The following ZSCAN25 variants were observed in gnomAD, a reference collection of about 807,000 sequenced individuals.
ZSCAN25 encodes the protein zinc finger and SCAN domain-containing protein 25.
ZSCAN25 carries 27 observed loss-of-function variants against 38.7 expected under a neutral mutation model. The observed-to-expected ratio is 0.70, with a 90% confidence interval of 0.51 to 0.96. The LOEUF is 0.96. ZSCAN25 is among the 40% of genes least tolerant of loss of function. The probability of loss-of-function intolerance (pLI) is 0.00; values close to 1 mark genes in which losing one functional copy is unlikely to be tolerated. For synonymous variants in ZSCAN25, 273 were observed against 277.7 expected, an observed-to-expected ratio of 0.98 and a Z score of 0.17; for missense variants, 637 against 705.9, an observed-to-expected ratio of 0.90 and a Z score of 1.11.
At chr7:99,650,839 A>G in the ZSCAN25 span, among the ~76,000 whole-genome samples, 2 of 152,014 alleles carry the variant, frequency 1.3e-5, no homozygotes, top group African/African-American at 2.4e-5. Flanking sequence ...TTTAAGTCAC[A>G]TAAGTTACAT....
the ZSCAN25 span, among the ~76,000 whole-genome samples, chr7:99,732,339 A>G: frequency 2.6e-5 from 4 of 152,248 alleles, no homozygotes; most frequent in African/African-American, 9.6e-5. Context: ...TAGAGCCTGC[A>G]GAACCATGAG....
the ZSCAN25 span, among the ~76,000 whole-genome samples, chr7:99,679,160 G>T: frequency 5.9e-5 from 9 of 152,122 alleles, no homozygotes; most frequent in African/African-American, 2.2e-4. Flanking sequence ...TTGCTCTAGA[G>T]GTTAATCATT....
the ZSCAN25 span, chr7:99,695,602 G>T: frequency 1.4e-6 from 1 of 702,966 alleles, no homozygotes; most frequent in Non-Finnish European, 2.4e-6. Context: ...GGTAAACCTT[G>T]CCATGCTCTG....
the ZSCAN25 span, among the ~76,000 whole-genome samples, chr7:99,688,000 C>T: frequency 6.6e-6 from 1 of 152,048 alleles, no homozygotes; most frequent in Non-Finnish European, 1.5e-5. Context: ...CAGGCCTGCC[C>T]TAAAAGAGCT....
the ZSCAN25 span, among the ~76,000 whole-genome samples, chr7:99,726,636 T>G: frequency 6.6e-6 from 1 of 152,206 alleles, no homozygotes; most frequent in Non-Finnish European, 1.5e-5. Context: ...GCCACAAGGC[T>G]TCTGGGACAG....
the ZSCAN25 span, among the ~76,000 whole-genome samples, chr7:99,732,762 A>G: frequency 6.6e-6 from 1 of 152,210 alleles, no homozygotes; most frequent in African/African-American, 2.4e-5. Flanking sequence ...GTGGTTCAAA[A>G]GTACGGTGTG....
the ZSCAN25 span, among the ~76,000 whole-genome samples, chr7:99,701,325 G>A: frequency 6.6e-6 from 1 of 152,190 alleles, no homozygotes; most frequent in Non-Finnish European, 1.5e-5. Context: ...TTGTGCATAA[G>A]TGAAGTACTC....
the ZSCAN25 span, chr7:99,676,120 G>A: frequency 4.3e-6 from 7 of 1,613,302 alleles, no homozygotes; most frequent in African/African-American, 1.3e-5. Flanking sequence ...CTCACCTGAC[G>A]ATAGGACAAA....
the ZSCAN25 span, among the ~76,000 whole-genome samples, chr7:99,667,747 G>A: frequency 6.6e-6 from 1 of 152,120 alleles, no homozygotes; most frequent in Non-Finnish European, 1.5e-5. Context: ...ACTTCCAGCT[G>A]TCATGATAAA....
chr7:99,704,251 T>C, the ZSCAN25 span, among the ~76,000 whole-genome samples: 1 of 152,124 alleles, frequency 6.6e-6, no homozygotes, highest in Non-Finnish European at 1.5e-5. Flanking sequence ...AATATAATAC[T>C]GGCTTCAGTT....
the ZSCAN25 span, chr7:99,731,142 G>A: frequency 1.4e-5 from 23 of 1,613,670 alleles, no homozygotes; most frequent in South Asian, 1.4e-4. Flanking sequence ...CCATGTGTAC[G>A]GGTTCCATAT....
At chr7:99,662,901 AT>A in the ZSCAN25 span, 2 of 1,613,242 alleles carry the variant, frequency 1.2e-6, no homozygotes, top group African/African-American at 1.3e-5. This position sits in a 1 kb window ranked among gnomAD's most constrained non-coding sequence, Gnocchi z 4.3. Context: ...AAAAGGAGAG[AT>A]TTCTTTGGCA....
At chr7:99,688,356 G>C in the ZSCAN25 span, among the ~76,000 whole-genome samples, 1 of 152,086 alleles carries the variant, frequency 6.6e-6, no homozygotes, top group African/African-American at 2.4e-5. Flanking sequence ...AACAAAAAAA[G>C]GCAGGGGTTG....
At chr7:99,687,107 G>T in the ZSCAN25 span, among the ~76,000 whole-genome samples, 1 of 152,244 alleles carries the variant, frequency 6.6e-6, no homozygotes, top group East Asian at 1.9e-4. Flanking sequence ...ACTCTAAAAA[G>T]CAGAGTGCCT....
Position 99,631,691 on chromosome 7 carries a change from A to T in ZSCAN25, c.*1671A>T, listed in dbSNP as rs747826547. On this transcript the variant is annotated 3_prime_UTR_variant, in exon 8 of 8. Transcript: ENST00000394152. ...AACACAAAGCTGTATTACTCAGCCC[A>T]CTTTGAAACGTGGTTTTATCACCTG... 1 of 985,124 alleles carries T rather than the reference A, an allele frequency of 1.0e-6. No homozygotes were observed. The allele number at this position is 985,124 out of a possible 1,614,324, so 61.0% of individuals were successfully genotyped here.
At position 99,629,684 on chromosome 7, in the gene ZSCAN25, C is replaced by T. The variant is rs750962399; in HGVS notation, c.1299C>T (p.Cys433=). 37 of 1,613,876 alleles carry T rather than the reference C, an allele frequency of 2.3e-5. No individual in the cohort carries two copies. The Admixed American group carries it at 2.5e-4, about 11-fold the overall frequency. Reference sequence around the variant, plus strand: ...ACACTGGGGAGAAGCCCTACAAGTGCGGGGACTGCTGGAAGAGCTTCAGCC... The same window carrying T: ...ACACTGGGGAGAAGCCCTACAAGTGTGGGGACTGCTGGAAGAGCTTCAGCC... ...RSHTGEKPYK[C]GDCWKSFSRR... Residue 433 remains cysteine, a synonymous_variant, in exon 8 of 8, where the codon TGC becomes TGT. Transcript: ENST00000394152. The surrounding 1 kb of genome is among the most constrained non-coding windows in gnomAD (Gnocchi z 5.6).
chr7:99,712,711 T>C, the ZSCAN25 span, among the ~76,000 whole-genome samples: 1 of 152,188 alleles, frequency 6.6e-6, no homozygotes, highest in Non-Finnish European at 1.5e-5. Context: ...TAAATCTGTA[T>C]GCCAAAGTCA....
At chr7:99,638,123 T>G in the ZSCAN25 span, 1 of 1,011,626 alleles carries the variant, frequency 9.9e-7, no homozygotes, top group Non-Finnish European at 1.4e-6. Context: ...TGTAGAACAG[T>G]AACTCCAGAG....
the ZSCAN25 span, chr7:99,662,904 TC>T: frequency 1.2e-6 from 2 of 1,613,268 alleles, no homozygotes; most frequent in South Asian, 2.2e-5. The surrounding 1 kb of genome is among the most constrained non-coding windows in gnomAD (Gnocchi z 4.3). Flanking sequence ...AGGAGAGATT[TC>T]TTTGGCAGAA....
Sources: gnomAD v4.1 joint callset for allele counts (sites outside exome capture counted in the v4.1 genomes callset) on GRCh38, gnomAD v4.1.1 for gene constraint, Gnocchi (gnomAD v3.1) non-coding constraint, MANE v1.5 for transcripts, NCBI Gene and HGNC (gene_info 2026-07-23, HGNC 2026-07-21) for gene names.